The following RNF38 variants were observed in gnomAD, a reference collection of about 807,000 sequenced individuals.
RNF38 encodes ring finger protein 38.
A neutral mutation model predicts 67.2 loss-of-function variants in RNF38; 15 were observed. The observed-to-expected ratio is 0.22, with a 90% confidence interval of 0.15 to 0.34. The LOEUF (loss-of-function observed/expected upper bound fraction) is 0.34. RNF38 is among the 10% of genes least tolerant of loss of function. RNF38 has a pLI of 1.00. For missense variants in RNF38, 524 were observed against 639.9 expected, an observed-to-expected ratio of 0.82 and a Z score of 1.95; for synonymous variants, 220 against 218.8, an observed-to-expected ratio of 1.01 and a Z score of -0.05.
chr9:36,382,599 CTT>C (rs1836295667), intron 2 of RNF38, among the ~76,000 whole-genome samples: 2 of 152,162 alleles, frequency 1.3e-5, no homozygotes, highest in Admixed American at 6.6e-5. Flanking sequence ...GCCAGACAAA[CTT>C]TTCCCAAAAC....
upstream of RNF38, among the ~76,000 whole-genome samples, chr9:36,403,156 C>T (rs904992300): frequency 2.6e-5 from 4 of 152,202 alleles, no homozygotes; most frequent in African/African-American, 9.7e-5. Context: ...ACCCAAAGAG[C>T]AGGCAGGCTT....
chr9:36,416,740 A>ATTTT (rs1491451376), intron 2 of RNF38, among the ~76,000 whole-genome samples: 49 of 73,008 alleles, frequency 6.7e-4, no homozygotes, highest in African/African-American at 1.6e-3. Flanking sequence ...TGCTGCCTCG[A>ATTTT]TATTTTTTTT....
upstream of RNF38, among the ~76,000 whole-genome samples, chr9:36,403,696 A>G (rs186353104): frequency 2.6e-5 from 4 of 152,334 alleles, no homozygotes; most frequent in Admixed American, 2.6e-4. Context: ...TAGTTATTCA[A>G]TGAGATTGTT....
intron 9 of RNF38, among the ~76,000 whole-genome samples, chr9:36,345,459 AG>A (rs1221838263): frequency 6.6e-6 from 1 of 152,178 alleles, no homozygotes; most frequent in East Asian, 1.9e-4. Context: ...TGGGGACTAC[AG>A]GATGTTTTGC....
chr9:36,479,695 C>A (rs1464607401), intron 1 of RNF38, among the ~76,000 whole-genome samples: 1 of 151,364 alleles, frequency 6.6e-6, no homozygotes, highest in East Asian at 1.9e-4. Context: ...AGTAGATGCT[C>A]AAAGATGTAT....
chr9:36,367,462 T>C (rs991715839), intron 4 of RNF38, among the ~76,000 whole-genome samples: 5 of 152,340 alleles, frequency 3.3e-5, no homozygotes, highest in Non-Finnish European at 5.9e-5. Flanking sequence ...TAAAACCAAT[T>C]ATCTTGAAAG....
At chr9:36,383,393 T>G (rs1038801023) in intron 2 of RNF38, among the ~76,000 whole-genome samples, 1 of 152,144 alleles carries the variant, frequency 6.6e-6, no homozygotes, top group South Asian at 2.1e-4. Flanking sequence ...TATTTCACCA[T>G]GTTGGCCAAG....
At chr9:36,456,977 G>C (rs1839609579) in intron 1 of RNF38, among the ~76,000 whole-genome samples, 1 of 152,078 alleles carries the variant, frequency 6.6e-6, no homozygotes, top group African/African-American at 2.4e-5. Flanking sequence ...TAGCAGAAAA[G>C]AACTGCTGGT....
chr9:36,386,615 G>A (rs1249140979), intron 2 of RNF38, among the ~76,000 whole-genome samples: 1 of 152,152 alleles, frequency 6.6e-6, no homozygotes, highest in Non-Finnish European at 1.5e-5. Flanking sequence ...GTCACAGGAT[G>A]AGATAGGAGG....
At chr9:36,415,889 T>C (rs569755373) in intron 2 of RNF38, among the ~76,000 whole-genome samples, 2 of 152,100 alleles carry the variant, frequency 1.3e-5, no homozygotes, top group African/African-American at 2.4e-5. Context: ...CCTTTCTTGG[T>C]GCAGAGTTGT....
intron 11 of RNF38, 88 bp from the exon 12 acceptor site, chr9:36,339,902 G>GT: frequency 8.9e-7 from 1 of 1,120,598 alleles, no homozygotes; most frequent in African/African-American, 1.5e-5. Context: ...ACTTCCCACA[G>GT]TTTTTACATT....
chr9:36,475,853 T>A (rs1840108899), intron 1 of RNF38, among the ~76,000 whole-genome samples: 3 of 150,478 alleles, frequency 2.0e-5, no homozygotes, highest in Admixed American at 1.3e-4. Flanking sequence ...CCATCTCTAC[T>A]AAAAATACAA....
intron 4 of RNF38, 143 bp downstream of exon 4, chr9:36,369,576 A>C: frequency 1.5e-6 from 1 of 672,798 alleles, no homozygotes; most frequent in Non-Finnish European, 2.5e-6. Flanking sequence ...TTAAATCTCA[A>C]TTCTTAAAAG....
intron 1 of RNF38, among the ~76,000 whole-genome samples, chr9:36,454,580 C>CT (rs377679133): frequency 0.54 from 60,753 of 112,340 alleles, 18,146 homozygotes; most frequent in Non-Finnish European, 0.59. Context: ...CATTAATTTA[C>CT]TTTTTTTTTT....
chr9:36,449,942 C>T (rs1839396731), intron 1 of RNF38, among the ~76,000 whole-genome samples: 1 of 152,120 alleles, frequency 6.6e-6, no homozygotes, highest in African/African-American at 2.4e-5. Flanking sequence ...GTCTTTCTCC[C>T]CATAAAATAC....
chr9:36,414,900 G>A (rs1175043568), intron 2 of RNF38, among the ~76,000 whole-genome samples: 8 of 152,138 alleles, frequency 5.3e-5, no homozygotes, highest in Non-Finnish European at 8.8e-5. Context: ...CTTCTAGCTT[G>A]CAGGGTTTCT....
intron 11 of RNF38, among the ~76,000 whole-genome samples, chr9:36,340,617 C>T (rs961110898): frequency 3.9e-5 from 6 of 152,222 alleles, no homozygotes; most frequent in African/African-American, 1.4e-4. Context: ...AATGATCCTC[C>T]TGCCTTTGCC....
chr9:36,400,371 G>A (rs533986476), upstream of RNF38: 45 of 1,186,444 alleles, frequency 3.8e-5, no homozygotes, highest in Non-Finnish European at 4.7e-5. Context: ...GAGGCCATCT[G>A]CCGGGCAGCG....
chr9:36,410,703 C>A (rs1838300783), intron 2 of RNF38, among the ~76,000 whole-genome samples: 1 of 152,228 alleles, frequency 6.6e-6, no homozygotes, highest in South Asian at 2.1e-4. Flanking sequence ...TTTCTTTCAA[C>A]AACCCTATTT....
Sources: allele counts gnomAD v4.1 joint callset (sites outside exome capture counted in the v4.1 genomes callset), GRCh38; gene constraint gnomAD v4.1.1; transcripts MANE v1.5; gene names NCBI Gene and HGNC (gene_info 2026-07-23, HGNC 2026-07-21).